Variants in DOCK3 observed in about 807,000 individuals in gnomAD.
DOCK3 encodes the protein dedicator of cytokinesis protein 3.
Under a neutral mutation model 265.6 loss-of-function variants are expected in DOCK3, and 60 were observed. That is an observed-to-expected ratio of 0.23 (90% CI 0.18 to 0.28). The LOEUF is 0.28. DOCK3 is among the 10% of genes least tolerant of loss of function. The probability of loss-of-function intolerance (pLI) is 1.00; values close to 1 mark genes in which losing one functional copy is unlikely to be tolerated. For synonymous variants in DOCK3, 881 were observed against 938.0 expected (o/e 0.94, Z 1.11); for missense variants, 1,981 against 2,594.3 (o/e 0.76, Z 5.14).
chr3:51,008,025 C>A (rs2108743679), intron 5 of DOCK3, among the ~76,000 whole-genome samples: 1 of 152,216 alleles, frequency 6.6e-6, no homozygotes. Context: ...GTTACTGTAG[C>A]CTTGTAGTAT....
intron 28 of DOCK3, among the ~76,000 whole-genome samples, chr3:51,311,426 C>T (rs1187038855): frequency 6.6e-6 from 1 of 152,180 alleles, no homozygotes; most frequent in Non-Finnish European, 1.5e-5. Flanking sequence ...TCCCATTGTC[C>T]CTTCTATGTG....
At chr3:51,342,320 T>C (rs2085295120) in intron 38 of DOCK3, among the ~76,000 whole-genome samples, 1 of 152,198 alleles carries the variant, frequency 6.6e-6, no homozygotes, top group African/African-American at 2.4e-5. Context: ...GCAAGAACCT[T>C]TCCAAAAGCG....
intron 2 of DOCK3, among the ~76,000 whole-genome samples, chr3:50,790,658 G>C (rs772138915): frequency 2.0e-5 from 3 of 152,056 alleles, no homozygotes; most frequent in African/African-American, 7.2e-5. Context: ...ATCCCTTCAA[G>C]TTTATAGGGT....
chr3:51,276,691 C>G (rs1018414801), intron 25 of DOCK3, among the ~76,000 whole-genome samples: 2 of 152,094 alleles, frequency 1.3e-5, no homozygotes, highest in African/African-American at 4.8e-5. Context: ...GATATTATCT[C>G]TCGTTCACCT....
chr3:50,991,038 C>A (rs766846241), intron 5 of DOCK3, among the ~76,000 whole-genome samples: 1 of 152,142 alleles, frequency 6.6e-6, no homozygotes, highest in Admixed American at 6.5e-5. Context: ...TAAATAAGAT[C>A]CTTTTCAGAT....
At chr3:51,043,162 G>A (rs1403783075) in intron 5 of DOCK3, among the ~76,000 whole-genome samples, 1 of 152,074 alleles carries the variant, frequency 6.6e-6, no homozygotes, top group African/African-American at 2.4e-5. Flanking sequence ...AGAGCTGGAA[G>A]CATCACACTA....
At chr3:51,301,146 C>A (rs1017036934) in intron 27 of DOCK3, among the ~76,000 whole-genome samples, 4 of 152,046 alleles carry the variant, frequency 2.6e-5, no homozygotes, top group Non-Finnish European at 5.9e-5. Flanking sequence ...TGTACGTGTC[C>A]AGGAATTTAT....
intron 3 of DOCK3, among the ~76,000 whole-genome samples, chr3:50,860,839 G>A (rs1002119338): frequency 2.6e-5 from 4 of 152,224 alleles, no homozygotes; most frequent in Non-Finnish European, 5.9e-5. Flanking sequence ...TGCCATGGAA[G>A]TGGGGCCTGC....
At chr3:51,106,926 C>T (rs768864929) in intron 9 of DOCK3, among the ~76,000 whole-genome samples, 1 of 152,228 alleles carries the variant, frequency 6.6e-6, no homozygotes, top group Non-Finnish European at 1.5e-5. Context: ...CTGCCACCAC[C>T]ATATGAAGTA....
In DOCK3 at chr3:50,675,247, C is replaced by A; in HGVS notation, c.-17C>A. The A allele has an allele frequency of 1.7e-6, 2 of 1,189,988 alleles. No homozygotes were observed. Among genetic ancestry groups the A allele is most frequent in the Non-Finnish European group, 2.1e-6 (2 of 952,252 alleles). The allele number at this position is 1,189,988 out of a possible 1,614,324, so 73.7% of individuals were successfully genotyped here. A position where few individuals can be genotyped will look rare whatever the true frequency, so the allele number is the denominator to read the frequency against. On this transcript the variant is annotated 5_prime_UTR_variant, in exon 1 of 53. Transcript: ENST00000266037. The surrounding 1 kb of genome is among the most constrained non-coding windows in gnomAD (Gnocchi z 6.1). ...TCGCCCGGTCGCCGCGCCCGCGGGGCCGCGCCCGGCACGGCCATGTGGACC... is the reference window on the plus strand; with the variant it reads ...TCGCCCGGTCGCCGCGCCCGCGGGGACGCGCCCGGCACGGCCATGTGGACC...
chr3:51,160,315 T>C (rs1426342432), intron 11 of DOCK3, among the ~76,000 whole-genome samples: 1 of 152,234 alleles, frequency 6.6e-6, no homozygotes, highest in East Asian at 1.9e-4. Flanking sequence ...AGTGTTGATA[T>C]TGGTTTAGAG....
chr3:50,916,175 A>G (rs768255418), intron 4 of DOCK3, among the ~76,000 whole-genome samples: 15 of 152,038 alleles, frequency 9.9e-5, no homozygotes, highest in Non-Finnish European at 1.9e-4. Context: ...GCTGGGTTTA[A>G]GTTCCTATGA....
At chr3:50,793,236 T>C (rs1576449892) in intron 2 of DOCK3, among the ~76,000 whole-genome samples, 1 of 152,138 alleles carries the variant, frequency 6.6e-6, no homozygotes, top group Non-Finnish European at 1.5e-5. Flanking sequence ...TTGAATTTTT[T>C]TGGGGTCAGT....
At chr3:50,773,561 G>C (rs1436306456) in intron 1 of DOCK3, among the ~76,000 whole-genome samples, 1 of 152,124 alleles carries the variant, frequency 6.6e-6, no homozygotes. Flanking sequence ...GAGTGCTCCA[G>C]AGATTGAAAT....
intron 7 of DOCK3, among the ~76,000 whole-genome samples, chr3:51,076,509 TC>T (rs1230598593): frequency 6.6e-6 from 1 of 152,212 alleles, no homozygotes; most frequent in African/African-American, 2.4e-5. Context: ...TGGTTCCTAA[TC>T]CCTTTTGGGT....
intron 27 of DOCK3, among the ~76,000 whole-genome samples, chr3:51,287,679 C>G (rs1177018034): frequency 1.3e-5 from 2 of 152,204 alleles, no homozygotes; most frequent in Non-Finnish European, 2.9e-5. Flanking sequence ...CACTTATACA[C>G]TGCTAATGGG....
intron 10 of DOCK3, 124 bp from the exon 11 acceptor site, chr3:51,159,120 T>C: frequency 1.3e-6 from 1 of 767,712 alleles, no homozygotes; most frequent in Non-Finnish European, 2.1e-6. Context: ...TAAAGTGCTA[T>C]ATGCTGTAAT....
chr3:50,751,952 C>T (rs953577714), intron 1 of DOCK3, among the ~76,000 whole-genome samples: 1 of 152,076 alleles, frequency 6.6e-6, no homozygotes, highest in African/African-American at 2.4e-5. Context: ...ATGGGGGAAG[C>T]CACCCCCATG....
intron 1 of DOCK3, among the ~76,000 whole-genome samples, chr3:50,699,379 T>C (rs1275799438): frequency 6.6e-6 from 1 of 152,190 alleles, no homozygotes; most frequent in Non-Finnish European, 1.5e-5. Flanking sequence ...TTTTTCAATA[T>C]TATTTTGGCT....
Sources: gnomAD v4.1 joint callset for allele counts (sites outside exome capture counted in the v4.1 genomes callset) on GRCh38, gnomAD v4.1.1 for gene constraint, Gnocchi (gnomAD v3.1) non-coding constraint, MANE v1.5 for transcripts, NCBI Gene and HGNC (gene_info 2026-07-23, HGNC 2026-07-21) for gene names.